RUNX1: variants seen among roughly 807,000 people sequenced by gnomAD.
RUNX1 encodes RUNX family transcription factor 1, also known as runt-related transcription factor 1.
Under a neutral mutation model 42.8 loss-of-function variants are expected in RUNX1, and 19 were observed. The ratio of observed to expected loss-of-function variants is 0.44; its 90% confidence interval spans 0.31 to 0.65. The LOEUF is 0.65. Ranked by LOEUF, RUNX1 falls within the 30% of genes least tolerant of loss-of-function variation. The probability of loss-of-function intolerance (pLI) is 0.07; values close to 1 mark genes in which losing one functional copy is unlikely to be tolerated. For synonymous variants in RUNX1, 271 were observed against 289.4 expected, an observed-to-expected ratio of 0.94 and a Z score of 0.64; for missense variants, 528 against 672.0, an observed-to-expected ratio of 0.79 and a Z score of 2.37.
intron 4 of RUNX1, among the ~76,000 whole-genome samples, chr21:34,884,020 G>A (rs774777807): frequency 6.6e-6 from 1 of 152,190 alleles, no homozygotes; most frequent in Non-Finnish European, 1.5e-5. Flanking sequence ...GCACGTTTAC[G>A]TCTTTGGACT....
At chr21:34,994,253 CA>C (rs2058975952) in intron 2 of RUNX1, among the ~76,000 whole-genome samples, 1 of 151,640 alleles carries the variant, frequency 6.6e-6, no homozygotes, top group Admixed American at 6.6e-5. Context: ...AAAAAACTTC[CA>C]AGACATTTTC....
chr21:34,825,526 A>T (rs1601399965), intron 7 of RUNX1, among the ~76,000 whole-genome samples: 1 of 152,196 alleles, frequency 6.6e-6, no homozygotes, highest in African/African-American at 2.4e-5. Flanking sequence ...TTATAGTAAC[A>T]CGATTGGGGC....
chr21:35,037,573 C>G lies in RUNX1; in HGVS notation c.58+11269G>C, dbSNP rs116089279. Among the ~76,000 whole-genome samples, 1,330 of 152,318 alleles carry G rather than the reference C, an allele frequency of 8.7e-3. 15 individuals are homozygous for G. Among genetic ancestry groups the G allele is most frequent in the African/African-American group, 0.029 (1,223 of 41,570 alleles). The stretch of plus-strand genomic sequence containing the variant: ...TATTCTCAACACCGACCTGTCCCCT[C>G]CACGGGCAGACAGACAGTGGGCTCT... On this transcript the variant is annotated intron_variant, in intron 2 of 8. Transcript: ENST00000675419.
chr21:34,838,701 G>A (rs1172243037), intron 6 of RUNX1, among the ~76,000 whole-genome samples: 1 of 152,026 alleles, frequency 6.6e-6, no homozygotes, highest in East Asian at 1.9e-4. Flanking sequence ...TGTGTGTAGA[G>A]AACAGCTTAC....
chr21:34,844,167 G>A (rs565784798), intron 6 of RUNX1, among the ~76,000 whole-genome samples: 3 of 152,338 alleles, frequency 2.0e-5, no homozygotes, highest in African/African-American at 7.2e-5. Flanking sequence ...AGTAGCTCCT[G>A]CCCAGGGACA....
At chr21:35,031,566 G>A (rs2059273468) in intron 2 of RUNX1, among the ~76,000 whole-genome samples, 1 of 152,178 alleles carries the variant, frequency 6.6e-6, no homozygotes, top group Non-Finnish European at 1.5e-5. Context: ...TATCTGCACT[G>A]TCATGTTCAT....
Position 35,030,626 on chromosome 21 carries a change from G to A in RUNX1, c.58+18216C>T, listed in dbSNP as rs76370859. On this transcript the variant is annotated intron_variant, in intron 2 of 8. Transcript: ENST00000675419. Reference sequence around the variant, plus strand: ...ACCTGAAACTATAAAACTACTGGAAGAAAACACAGGGGAGAGGCTTCTTGC... The same window carrying A: ...ACCTGAAACTATAAAACTACTGGAAAAAAACACAGGGGAGAGGCTTCTTGC... 1.1e-3 allele frequency among the ~76,000 whole-genome samples: 171 copies of A among 152,272 alleles called. 2 individuals are homozygous for A. In the East Asian group the frequency reaches 0.031, roughly 27 times the overall value.
At chr21:35,001,457 C>T (rs557669468) in intron 2 of RUNX1, among the ~76,000 whole-genome samples, 104 of 151,774 alleles carry the variant, frequency 6.9e-4, no homozygotes, top group African/African-American at 2.2e-3. Context: ...TTTTAATTGC[C>T]CAAATAAAGA....
intron 5 of RUNX1, among the ~76,000 whole-genome samples, chr21:34,870,179 C>G (rs751609607): frequency 6.6e-6 from 1 of 152,192 alleles, no homozygotes; most frequent in Non-Finnish European, 1.5e-5. Context: ...ACAAAAAAAG[C>G]AGACCTCTGG....
chr21:34,873,163 A>G (rs1306717578), intron 5 of RUNX1, among the ~76,000 whole-genome samples: 3 of 152,226 alleles, frequency 2.0e-5, no homozygotes, highest in Admixed American at 6.5e-5. Context: ...AAAAATCTGT[A>G]AAGACCCCAA....
At chr21:35,031,714 T>C (rs918145565) in intron 2 of RUNX1, among the ~76,000 whole-genome samples, 1 of 152,200 alleles carries the variant, frequency 6.6e-6, no homozygotes, top group Non-Finnish European at 1.5e-5. Flanking sequence ...CCCTGTCATT[T>C]GCAGCAACAT....
chr21:34,823,884 A>T (rs1477177120), intron 7 of RUNX1, among the ~76,000 whole-genome samples: 1 of 152,184 alleles, frequency 6.6e-6, no homozygotes, highest in Non-Finnish European at 1.5e-5. Flanking sequence ...TTTCATCTTT[A>T]AGAACAAGAA....
intron 2 of RUNX1, among the ~76,000 whole-genome samples, chr21:34,957,010 C>A (rs1183329623): frequency 6.6e-6 from 1 of 152,190 alleles, no homozygotes; most frequent in Non-Finnish European, 1.5e-5. Flanking sequence ...GCCCCTAGGA[C>A]AGGCACCCAC....
At chr21:34,987,708 G>A (rs941179822) in intron 2 of RUNX1, among the ~76,000 whole-genome samples, 3 of 152,196 alleles carry the variant, frequency 2.0e-5, no homozygotes, top group Non-Finnish European at 4.4e-5. Flanking sequence ...CTAGCTAGGA[G>A]AGCACCAAAG....
intron 2 of RUNX1, among the ~76,000 whole-genome samples, chr21:34,914,483 A>G (rs1268425426): frequency 2.0e-5 from 3 of 152,106 alleles, no homozygotes; most frequent in African/African-American, 7.2e-5. Flanking sequence ...TGTACCCACA[A>G]TATGAATCTC....
intron 7 of RUNX1, among the ~76,000 whole-genome samples, chr21:34,822,584 T>C (rs1454687894): frequency 1.3e-5 from 2 of 152,208 alleles, no homozygotes; most frequent in South Asian, 2.1e-4. Context: ...AAGCGCATCT[T>C]AAAACTCAGG....
intron 2 of RUNX1, among the ~76,000 whole-genome samples, chr21:34,993,658 GAC>G (rs2058967166): frequency 6.5e-5 from 3 of 46,376 alleles, no homozygotes; most frequent in Non-Finnish European, 1.4e-4. Flanking sequence ...CACACACACA[GAC>G]ACACAGAGAC....
intron 6 of RUNX1, among the ~76,000 whole-genome samples, chr21:34,847,031 G>A (rs1238746004): frequency 6.6e-6 from 1 of 152,212 alleles, no homozygotes; most frequent in South Asian, 2.1e-4. Context: ...TATATAAAAA[G>A]CCACAGGGGA....
intron 2 of RUNX1, among the ~76,000 whole-genome samples, chr21:34,963,018 G>A (rs779105844): frequency 2.6e-5 from 4 of 152,204 alleles, no homozygotes; most frequent in Non-Finnish European, 5.9e-5. Flanking sequence ...AGTTTTAAAA[G>A]CTCCGAAGGC....
Sources: gnomAD v4.1 joint callset for allele counts (sites outside exome capture counted in the v4.1 genomes callset) on GRCh38, gnomAD v4.1.1 for gene constraint, MANE v1.5 for transcripts, NCBI Gene and HGNC (gene_info 2026-07-23, HGNC 2026-07-21) for gene names.